PRUNE2: variants seen among roughly 807,000 people sequenced by gnomAD.
PRUNE2 encodes prune homolog 2 with BCH domain, also known as protein prune homolog 2.
A neutral mutation model predicts 252.0 loss-of-function variants in PRUNE2; 164 were observed. The ratio of observed to expected loss-of-function variants is 0.65; its 90% CI spans 0.57 to 0.74. The LOEUF is 0.74. Ranked by LOEUF, PRUNE2 falls within the 30% of genes least tolerant of loss-of-function variation. The probability of loss-of-function intolerance (pLI) is 0.00; values close to 1 mark genes in which losing one functional copy is unlikely to be tolerated. For synonymous variants in PRUNE2, 1,292 were observed against 1,350.2 expected (o/e 0.96, Z 0.94); for missense variants, 3,495 against 3,711.0 (o/e 0.94, Z 1.51).
chr9:76,852,026 A>T (rs1483263303), intron 2 of PRUNE2, among the ~76,000 whole-genome samples: 1 of 152,214 alleles, frequency 6.6e-6, no homozygotes, highest in Non-Finnish European at 1.5e-5. Context: ...TTAACACCTT[A>T]ATCATCTGTC....
At chr9:76,870,212 T>A (rs1271180112) in intron 1 of PRUNE2, among the ~76,000 whole-genome samples, 10 of 151,192 alleles carry the variant, frequency 6.6e-5, no homozygotes. Context: ...CCATAATAAA[T>A]AGCTGTAAAA....
At chr9:76,856,065 C>T (rs1479592271) in intron 1 of PRUNE2, among the ~76,000 whole-genome samples, 1 of 152,190 alleles carries the variant, frequency 6.6e-6, no homozygotes, top group Non-Finnish European at 1.5e-5. Flanking sequence ...TTCCGAGAAG[C>T]TCAAAGATCT....
At position 76,835,886 on chromosome 9, in the gene PRUNE2, GGAGA is replaced by G. The variant is rs1233916801; in HGVS notation, c.509-9158_509-9155del. On this transcript the variant is annotated intron_variant, in intron 4 of 18. Coordinates refer to ENST00000376718, the MANE Select transcript of PRUNE2 (RefSeq NM_015225.3). ...GGTCAAATGAAACTACCAATAGGAAGGAGAGAGTTTGTTTAAATTTTAAAAACCT... is the reference window on the plus strand; with the variant it reads ...GGTCAAATGAAACTACCAATAGGAAGGAGTTTGTTTAAATTTTAAAAACCT... Among the ~76,000 whole-genome samples the G allele has an allele frequency of 7.9e-5, 12 of 152,322 alleles. 1 individual carries two copies. The highest frequency in any genetic ancestry group is 5.2e-4 in the Admixed American group (8 of 15,300).
chr9:76,731,329 T>A (rs1205305682), intron 6 of PRUNE2, among the ~76,000 whole-genome samples: 105 of 117,474 alleles, frequency 8.9e-4, no homozygotes, highest in East Asian at 7.1e-3. Context: ...TATATATTTT[T>A]TTTTTTTTTT....
In PRUNE2 at chr9:76,906,033, G is replaced by A. The variant is rs2063475808; in HGVS notation, c.-70C>T. On this transcript the variant is annotated 5_prime_UTR_variant, in exon 1 of 19. Coordinates refer to ENST00000376718, the MANE Select transcript of PRUNE2 (RefSeq NM_015225.3). ...TGGAAAATCTCGGCCCAAGGAAGAC[G>A]AGCGGGGTCCCGGGAAAGTGGCCCG... 9.0e-6 allele frequency: 14 copies of A among 1,549,872 alleles called. No homozygotes were observed. The highest frequency in any genetic ancestry group is 1.1e-5 in the South Asian group (1 of 89,702).
chr9:76,796,555 C>T (rs147435493), intron 6 of PRUNE2, among the ~76,000 whole-genome samples: 296 of 152,290 alleles, frequency 1.9e-3, no homozygotes, highest in Non-Finnish European at 2.8e-3. Flanking sequence ...ACTCACACAA[C>T]CTGTTTTACT....
rs369258212 is a variant in PRUNE2 at position 76,642,001 on chromosome 9, T to TAAAA, written c.8728+2734_8728+2737dup. 112 of 1,011,110 alleles carry TAAAA rather than the reference T, an allele frequency of 1.1e-4. No individual in the cohort carries two copies. In the African/African-American group the frequency reaches 1.4e-3, roughly 13 times the overall value. 62.6% of individuals were successfully genotyped at this position (1,011,110 alleles called of 1,614,324 possible). A position where few individuals can be genotyped will look rare whatever the true frequency, so the allele number is the denominator to read the frequency against. On this transcript the variant is annotated intron_variant, in intron 12 of 18. Coordinates refer to ENST00000376718, the MANE Select transcript of PRUNE2 (RefSeq NM_015225.3). ...ATCTCCTATAATGAAATAAGAGAAG[T>TAAAA]AAAAAAAAAAAAAAAAGAAAAGAAA...
chr9:76,795,499 A>C (rs777604902), intron 6 of PRUNE2, among the ~76,000 whole-genome samples: 7 of 152,006 alleles, frequency 4.6e-5, no homozygotes, highest in African/African-American at 9.7e-5. Flanking sequence ...TCACAATTCA[A>C]CTTGTCTTGG....
chr9:76,651,311 T>A (rs559542749), intron 11 of PRUNE2, among the ~76,000 whole-genome samples: 1 of 152,284 alleles, frequency 6.6e-6, no homozygotes, highest in South Asian at 2.1e-4. Flanking sequence ...TCTGTCAAGG[T>A]AGAGTCTGAA....
At position 76,711,169 on chromosome 9, in the gene PRUNE2, T is replaced by C; in HGVS notation, c.1105A>G (p.Thr369Ala). The C allele has an allele frequency of 1.2e-6, 2 of 1,613,974 alleles. No homozygotes were observed. The highest frequency in any genetic ancestry group is 1.7e-6 in the Non-Finnish European group (2 of 1,179,862). The change falls in exon 8 of 19, where the codon ACA becomes GCA. Residue 369 changes from threonine to alanine, a missense_variant. By Grantham distance (58) the Thr-to-Ala change is moderately conservative. Transcript: ENST00000376718. ...EMVSNSRTSS[T>A]EAVAGSAPLS... ...GGGGCACTGCCTGCCACGGCTTCTGTTGAGGATGTCCGGCTATTGGAGACC... is the reference window on the plus strand; with the variant it reads ...GGGGCACTGCCTGCCACGGCTTCTGCTGAGGATGTCCGGCTATTGGAGACC...
intron 9 of PRUNE2, among the ~76,000 whole-genome samples, chr9:76,695,144 T>C (rs1427157488): frequency 1.3e-5 from 2 of 152,188 alleles, no homozygotes; most frequent in African/African-American, 4.8e-5. Context: ...CAAGCAATTC[T>C]CCTGCCTCAG....
chr9:76,849,656 T>C (rs2059849010), intron 3 of PRUNE2, among the ~76,000 whole-genome samples: 1 of 152,040 alleles, frequency 6.6e-6, no homozygotes, highest in South Asian at 2.1e-4. Context: ...TGAAACCCCA[T>C]CTCTACTAAA....
At chr9:76,777,127 T>A (rs2053892561) in intron 6 of PRUNE2, among the ~76,000 whole-genome samples, 1 of 151,840 alleles carries the variant, frequency 6.6e-6, no homozygotes, top group Non-Finnish European at 1.5e-5. Flanking sequence ...ATGATGTTGT[T>A]TGAAGGAGAG....
chr9:76,727,519 T>G (rs2048199193), intron 6 of PRUNE2, among the ~76,000 whole-genome samples: 2 of 152,288 alleles, frequency 1.3e-5, no homozygotes, highest in Middle Eastern at 6.8e-3. Flanking sequence ...GCTTCGATTC[T>G]CTTAAACAAA....
At chr9:76,785,024 G>C (rs529601740) in intron 6 of PRUNE2, 9 of 151,778 alleles carry the variant, frequency 5.9e-5, no homozygotes, top group Non-Finnish European at 1.0e-4. Flanking sequence ...CCTCCCCTTT[G>C]TTTGATTTTT....
At chr9:76,904,651 T>C (rs1018970931) in intron 1 of PRUNE2, among the ~76,000 whole-genome samples, 6 of 152,228 alleles carry the variant, frequency 3.9e-5, no homozygotes, top group African/African-American at 1.4e-4. Flanking sequence ...AGTAAAACTA[T>C]AAAAGGGTCA....
intron 6 of PRUNE2, among the ~76,000 whole-genome samples, chr9:76,740,645 T>C (rs2049534261): frequency 6.6e-6 from 1 of 152,126 alleles, no homozygotes; most frequent in South Asian, 2.1e-4. Context: ...TCTCAAATAA[T>C]GCAAGACAAA....
chr9:76,832,677 T>C (rs2058735096), intron 4 of PRUNE2, among the ~76,000 whole-genome samples: 1 of 150,696 alleles, frequency 6.6e-6, no homozygotes, highest in Middle Eastern at 3.2e-3. Context: ...GAAGGACAAA[T>C]ATAATAAACA....
intron 6 of PRUNE2, among the ~76,000 whole-genome samples, chr9:76,732,197 C>T (rs1391846719): frequency 1.3e-5 from 2 of 152,070 alleles, no homozygotes; most frequent in Non-Finnish European, 2.9e-5. Context: ...GCCTGTAGTC[C>T]CAGCTACTGG....
Sources: gnomAD v4.1 joint callset for allele counts (sites outside exome capture counted in the v4.1 genomes callset) on GRCh38, gnomAD v4.1.1 for gene constraint, MANE v1.5 for transcripts, NCBI Gene and HGNC (gene_info 2026-07-23, HGNC 2026-07-21) for gene names.